The following HFM1 variants were observed in gnomAD, a reference collection of about 807,000 sequenced individuals.
HFM1 encodes helicase for meiosis 1.
Under a neutral mutation model 192.1 loss-of-function variants are expected in HFM1, and 169 were observed. That is an observed-to-expected ratio of 0.88 (90% confidence interval 0.78 to 1.00). HFM1 has a LOEUF of 1.00. HFM1 is among the 50% of genes least tolerant of loss of function. The pLI is 0.00. For synonymous variants in HFM1, 525 were observed against 537.8 expected (o/e 0.98, Z 0.33); for missense variants, 1,661 against 1,668.0 (o/e 1.00, Z 0.07).
chr1:91,270,240 ATAAT>A (rs1666155072), intron 34 of HFM1, among the ~76,000 whole-genome samples: 1 of 152,180 alleles, frequency 6.6e-6, no homozygotes, highest in Non-Finnish European at 1.5e-5. Flanking sequence ...AGGAGGCAAA[ATAAT>A]TAAGATTTGG....
At chr1:91,272,121 T>A (rs1666362404) in intron 34 of HFM1, among the ~76,000 whole-genome samples, 1 of 152,138 alleles carries the variant, frequency 6.6e-6, no homozygotes, top group Admixed American at 6.5e-5. Flanking sequence ...TAAAGTATGT[T>A]TTGCCACCAA....
At chr1:91,356,242 G>A (rs1334809107) in intron 13 of HFM1, among the ~76,000 whole-genome samples, 3 of 151,310 alleles carry the variant, frequency 2.0e-5, no homozygotes, top group African/African-American at 7.3e-5. Flanking sequence ...GTTCTAAGAG[G>A]AATTTTTTTT....
intron 6 of HFM1, among the ~76,000 whole-genome samples, chr1:91,382,351 T>G (rs566893388): frequency 6.6e-6 from 1 of 152,252 alleles, no homozygotes; most frequent in Non-Finnish European, 1.5e-5. Context: ...TATATGTTAT[T>G]ATAGTTGTTG....
Position 91,271,410 on chromosome 1 carries a change from T to C in HFM1, c.3772+2302A>G, listed in dbSNP as rs148378291. Among the ~76,000 whole-genome samples the C allele has an allele frequency of 2.5e-3, 381 of 152,278 alleles. 4 individuals carry two copies. The highest frequency in any genetic ancestry group is 8.7e-3 in the African/African-American group (362 of 41,570). On this transcript the variant is annotated intron_variant, in intron 34 of 38. Coordinates refer to ENST00000370425, the MANE Select transcript of HFM1 (RefSeq NM_001017975.6). ...ATACTTTTCAGTTTACTTGAGACAA[T>C]TGGTTCCTTTTCTTGTGCTTAAGTC...
chr1:91,369,576 G>C (rs1659878042), intron 13 of HFM1, among the ~76,000 whole-genome samples: 1 of 151,994 alleles, frequency 6.6e-6, no homozygotes. Context: ...ACAATCTCTG[G>C]GACACATTCA....
At chr1:91,355,050 G>A (rs1388585982) in intron 13 of HFM1, among the ~76,000 whole-genome samples, 4 of 152,080 alleles carry the variant, frequency 2.6e-5, no homozygotes, top group African/African-American at 7.2e-5. Flanking sequence ...AAGGAATACT[G>A]AATATAAAAA....
intron 20 of HFM1, among the ~76,000 whole-genome samples, chr1:91,341,732 C>T (rs1655363728): frequency 6.6e-6 from 1 of 151,546 alleles, no homozygotes. Context: ...CAAATAAACA[C>T]AATCAGAAAT....
intron 20 of HFM1, among the ~76,000 whole-genome samples, chr1:91,338,731 A>T (rs1267342319): frequency 6.6e-6 from 1 of 152,090 alleles, no homozygotes; most frequent in African/African-American, 2.4e-5. Context: ...CCACCGGTAC[A>T]TGCGGATCCC....
chr1:91,302,135 C>T (rs544909037), intron 30 of HFM1, among the ~76,000 whole-genome samples: 69 of 150,932 alleles, frequency 4.6e-4, no homozygotes, highest in Non-Finnish European at 6.2e-4. Context: ...TATGAACAGA[C>T]ACTTCTCAAA....
intron 13 of HFM1, among the ~76,000 whole-genome samples, chr1:91,357,336 TGAAA>T (rs1461383708): frequency 6.6e-6 from 1 of 152,060 alleles, no homozygotes; most frequent in Non-Finnish European, 1.5e-5. Flanking sequence ...ATTAACAGAA[TGAAA>T]GATAAAAAAC....
chr1:91,360,228 C>T (rs963963230), intron 13 of HFM1, among the ~76,000 whole-genome samples: 22 of 152,162 alleles, frequency 1.4e-4, no homozygotes, highest in African/African-American at 5.3e-4. Flanking sequence ...GGGCTAAATG[C>T]CCCAATTAAA....
In HFM1 at chr1:91,318,107, T is replaced by C. The variant is rs79405433; in HGVS notation, c.2812+971A>G. On this transcript the variant is annotated intron_variant, in intron 25 of 38. Coordinates refer to ENST00000370425, the MANE Select transcript of HFM1 (RefSeq NM_001017975.6). ...ATGTTGTATGGAACCACCTTTCCAA[T>C]TGAGAACTCTTGCCTTTGTGGGATG... Among the ~76,000 whole-genome samples, 906 of 152,294 alleles carry C rather than the reference T, an allele frequency of 5.9e-3. 2 individuals are homozygous for C. Among genetic ancestry groups the C allele is most frequent in the Non-Finnish European group, 1.0e-2 (680 of 68,012 alleles).
rs1452760936 is a variant in HFM1, at chr1:91,274,767, CAA to C, written c.3629_3630del (p.Phe1210TrpfsTer10). 1 of 1,570,652 alleles carries C rather than the reference CAA, an allele frequency of 6.4e-7. No homozygotes were observed. Among genetic ancestry groups the C allele is most frequent in the Non-Finnish European group, 8.7e-7 (1 of 1,143,014 alleles). On this transcript the variant is annotated frameshift_variant, in exon 33 of 39. Coordinates refer to ENST00000370425, the MANE Select transcript of HFM1 (RefSeq NM_001017975.6). LOFTEE classifies it high-confidence loss of function. The stretch of plus-strand genomic sequence containing the variant: ...GGAAGGGAAGGTTTTGGAGTAAAAC[CAA>C]ACTCTTTAAGGTCCACACTTTGAGA... ...NKSQSVDLKEFGFTPKPSLPS... is the reference protein window; with the variant it reads ...NKSQSVDLKEXGFTPKPSLPS...
chr1:91,343,303 G>C (rs1299091346), intron 20 of HFM1, 127 bp downstream of exon 20: 4 of 324,932 alleles, frequency 1.2e-5, no homozygotes, highest in Non-Finnish European at 1.8e-5. Context: ...GGCTAATAAT[G>C]ATGATACCCT....
intron 2 of HFM1, among the ~76,000 whole-genome samples, chr1:91,400,500 T>A (rs1411055319): frequency 6.6e-6 from 1 of 152,088 alleles, no homozygotes; most frequent in Non-Finnish European, 1.5e-5. Flanking sequence ...TTTTTTTCTT[T>A]TGATAGAGTT....
rs777822859 is a variant in HFM1, at chr1:91,375,559, G to A, written c.1564C>T (p.Gln522Ter). The part of the protein sequence containing the change: ...TLNYKIASVI[Q>*]MYSDQKPTLV... ...GTGGGTTTCTGATCAGAGTACATTT[G>A]TATAACACTGGCAATTTTGTAGTTG... Residue 522 changes from glutamine (Q) to a stop codon, truncating the protein, a stop_gained, in exon 12 of 39, where the codon CAA (glutamine) becomes TAA (stop). Coordinates refer to ENST00000370425, the MANE Select transcript of HFM1 (RefSeq NM_001017975.6). LOFTEE classifies it high-confidence loss of function. The A allele has an allele frequency of 6.2e-7, 1 of 1,613,340 alleles. No homozygotes were observed. The highest frequency in any genetic ancestry group is 1.3e-5 in the African/African-American group (1 of 74,992).
intron 13 of HFM1, among the ~76,000 whole-genome samples, chr1:91,367,672 C>G (rs972037802): frequency 6.6e-6 from 1 of 152,116 alleles, no homozygotes; most frequent in Non-Finnish European, 1.5e-5. Context: ...AGCAGAAAAA[C>G]CGGAAACTCT....
intron 23 of HFM1, among the ~76,000 whole-genome samples, chr1:91,322,473 C>A (rs1652268419): frequency 6.6e-6 from 1 of 152,246 alleles, no homozygotes; most frequent in Admixed American, 6.5e-5. Context: ...TACAGTGTAA[C>A]CTTAATTTAC....
intron 30 of HFM1, among the ~76,000 whole-genome samples, chr1:91,289,956 A>G (rs568228835): frequency 2.6e-5 from 4 of 152,194 alleles, no homozygotes; most frequent in Admixed American, 6.5e-5. Flanking sequence ...ACTAAGCTTC[A>G]TAAGTGAAGG....
Sources: allele counts gnomAD v4.1 joint callset (sites outside exome capture counted in the v4.1 genomes callset), GRCh38; gene constraint gnomAD v4.1.1; transcripts MANE v1.5; gene names NCBI Gene and HGNC (gene_info 2026-07-23, HGNC 2026-07-21).